ARHGEF3: variants seen among roughly 807,000 people sequenced by gnomAD.
ARHGEF3 encodes the protein 59.8 kDA protein.
A neutral mutation model predicts 63.2 loss-of-function variants in ARHGEF3; 28 were observed. That is an observed-to-expected ratio of 0.44 (90% CI 0.33 to 0.61). The LOEUF is 0.61. ARHGEF3 is among the 20% of genes least tolerant of loss of function. ARHGEF3 has a pLI of 0.03. For synonymous variants in ARHGEF3, 266 were observed against 254.2 expected, an observed-to-expected ratio of 1.05 and a Z score of -0.44; for missense variants, 533 against 659.3, an observed-to-expected ratio of 0.81 and a Z score of 2.10.
chr3:56,838,096 A>T (rs1056143196), intron 4 of ARHGEF3, among the ~76,000 whole-genome samples: 1 of 152,210 alleles, frequency 6.6e-6, no homozygotes, highest in Admixed American at 6.5e-5. Context: ...TAAATATCAT[A>T]CTCCATGGGC....
intron 1 of ARHGEF3, chr3:57,079,212 C>T: frequency 2.5e-6 from 1 of 395,906 alleles, no homozygotes; most frequent in Non-Finnish European, 4.5e-6. Context: ...TTCCCGACTG[C>T]TTCCCGCACT....
At chr3:56,915,608 T>C (rs2041967549) in intron 3 of ARHGEF3, among the ~76,000 whole-genome samples, 1 of 151,868 alleles carries the variant, frequency 6.6e-6, no homozygotes, top group East Asian at 1.9e-4. Context: ...CCCATGGAAA[T>C]ATAACATTTC....
In ARHGEF3 at chr3:56,864,378, T is replaced by G. The variant is rs138650032; in HGVS notation, c.192+17914A>C. Among the ~76,000 whole-genome samples, 791 of 152,320 alleles carry G rather than the reference T, an allele frequency of 5.2e-3. 7 individuals carry two copies. The highest frequency in any genetic ancestry group is 0.018 in the African/African-American group (754 of 41,570). ...CAAGGTCACAGCTCTTTCACTCTCC[T>G]CTTTAACCTGGTTAACACCTTACCT... On this transcript the variant is annotated intron_variant, in intron 4 of 12. Coordinates refer to the ARHGEF3 transcript ENST00000338458.
chr3:56,729,435 G>T lies in ARHGEF3; in HGVS notation c.1416C>A (p.Thr472=). 6.2e-7 allele frequency: 1 copy of T among 1,614,094 alleles called. No individual in the cohort carries two copies. Among genetic ancestry groups the T allele is most frequent in the Non-Finnish European group, 8.5e-7 (1 of 1,180,036 alleles). The part of the protein sequence containing the change: ...DSEGSFLNPT[T]GSRELQGETK... The stretch of plus-strand genomic sequence containing the variant: ...TTTCTCCCTGTAGCTCTCTGCTCCC[G>T]GTGGTGGGATTTAGGAACGATCCCT... Residue 472 remains threonine (T), a synonymous_variant, in exon 10 of 10, where the codon ACC becomes ACA. Transcript: ENST00000296315.
intron 2 of ARHGEF3, among the ~76,000 whole-genome samples, chr3:57,021,902 A>G (rs1703275776): frequency 6.6e-6 from 1 of 152,156 alleles, no homozygotes; most frequent in Non-Finnish European, 1.5e-5. Flanking sequence ...CCCTACAAAA[A>G]TATAGTAATA....
At chr3:57,047,718 G>C (rs1704514685) in intron 1 of ARHGEF3, among the ~76,000 whole-genome samples, 1 of 152,178 alleles carries the variant, frequency 6.6e-6, no homozygotes, top group Admixed American at 6.5e-5. Context: ...GCAAGTTTCA[G>C]AGTCAGCGTT....
chr3:56,860,869 G>C (rs1294072691), intron 4 of ARHGEF3, among the ~76,000 whole-genome samples: 2 of 152,144 alleles, frequency 1.3e-5, no homozygotes, highest in Non-Finnish European at 2.9e-5. Flanking sequence ...TCAGAAGCTG[G>C]CAATGGTCAG....
intron 2 of ARHGEF3, among the ~76,000 whole-genome samples, chr3:56,967,491 A>T (rs1327316812): frequency 3.5e-5 from 3 of 86,106 alleles, no homozygotes; most frequent in African/African-American, 1.4e-4. Flanking sequence ...ATAATATATT[A>T]AATATATTAC....
chr3:56,883,343 A>G, intron 3 of ARHGEF3, among the ~76,000 whole-genome samples: 1 of 148,054 alleles, frequency 6.8e-6, no homozygotes. Context: ...TCTGTTGCCT[A>G]GGCTGGAGTG....
intron 4 of ARHGEF3, among the ~76,000 whole-genome samples, chr3:56,866,774 T>A (rs1271435265): frequency 6.6e-6 from 1 of 152,244 alleles, no homozygotes; most frequent in Non-Finnish European, 1.5e-5. Flanking sequence ...GCACCAGGCA[T>A]AGTGTTGTGC....
At chr3:57,022,348 C>T (rs1033397345) in intron 2 of ARHGEF3, among the ~76,000 whole-genome samples, 6 of 151,188 alleles carry the variant, frequency 4.0e-5, no homozygotes, top group South Asian at 2.1e-4. Context: ...AGACATGACT[C>T]GCAATAGCAG....
intron 1 of ARHGEF3, among the ~76,000 whole-genome samples, chr3:57,075,766 C>T (rs569026062): frequency 6.6e-6 from 1 of 152,014 alleles, no homozygotes; most frequent in South Asian, 2.1e-4. Context: ...GCCAAGATCA[C>T]GCCACTGCAT....
chr3:56,839,713 A>G (rs1211514709), intron 4 of ARHGEF3, among the ~76,000 whole-genome samples: 1 of 152,230 alleles, frequency 6.6e-6, no homozygotes, highest in Non-Finnish European at 1.5e-5. Flanking sequence ...GGGGTCTGGC[A>G]GCTGAGCTTT....
intron 3 of ARHGEF3, among the ~76,000 whole-genome samples, chr3:56,905,749 A>G (rs557195532): frequency 3.8e-4 from 58 of 152,340 alleles, no homozygotes; most frequent in African/African-American, 1.3e-3. Flanking sequence ...TTCTGCCAAC[A>G]TGGTAGGTGA....
rs189277048 is a variant in ARHGEF3 at position 56,957,012 on chromosome 3, C to A, written c.129+1811G>T. 1.2e-4 allele frequency among the ~76,000 whole-genome samples: 19 copies of A among 152,288 alleles called. No homozygotes were observed. In the South Asian group the frequency reaches 3.9e-3, roughly 32 times the overall value. ...AAGGCTCTGAGAAGCCCTGCAGTAG[C>A]GAGCATATTTAGTTTAATACACTCA... On this transcript the variant is annotated intron_variant, in intron 3 of 12. Transcript: ENST00000338458.
chr3:57,004,032 A>G (rs1450312075), intron 2 of ARHGEF3, among the ~76,000 whole-genome samples: 15 of 152,134 alleles, frequency 9.9e-5, no homozygotes, highest in Admixed American at 5.9e-4. Flanking sequence ...AATGACCCTG[A>G]CCCCAGTCCT....
chr3:57,007,224 G>A, intron 2 of ARHGEF3: 22 of 1,289,422 alleles, frequency 1.7e-5, no homozygotes, highest in Non-Finnish European at 2.2e-5. Flanking sequence ...GTCGAAGGTG[G>A]GGGGGTCAAT....
intron 1 of ARHGEF3, among the ~76,000 whole-genome samples, chr3:56,793,412 G>C (rs984558980): frequency 3.3e-5 from 5 of 152,064 alleles, no homozygotes; most frequent in Non-Finnish European, 7.4e-5. Context: ...CTCATGATCC[G>C]CTCGCCTCGG....
At chr3:56,886,758 T>C (rs2040938478) in intron 3 of ARHGEF3, among the ~76,000 whole-genome samples, 1 of 152,074 alleles carries the variant, frequency 6.6e-6, no homozygotes, top group Admixed American at 6.5e-5. Context: ...AACTACCCCA[T>C]GAGGTAGGTG....
Sources: allele counts gnomAD v4.1 joint callset (sites outside exome capture counted in the v4.1 genomes callset), GRCh38; gene constraint gnomAD v4.1.1; transcripts MANE v1.5; gene names NCBI Gene and HGNC (gene_info 2026-07-23, HGNC 2026-07-21).